CLCN4: variants seen among roughly 807,000 people sequenced by gnomAD.
CLCN4 encodes Cl-/H+ antiporter 4.
Under a neutral mutation model 41.7 loss-of-function variants are expected in CLCN4, and 1 was observed. The observed-to-expected ratio is 0.02, with a 90% CI of 0.01 to 0.11. The LOEUF is 0.11. CLCN4 is among the 10% of genes least tolerant of loss of function. The probability of loss-of-function intolerance (pLI) is 1.00; values close to 1 mark genes in which losing one functional copy is unlikely to be tolerated. For missense variants in CLCN4, 287 were observed against 661.0 expected (o/e 0.43, Z 6.20); for synonymous variants, 277 against 285.8 (o/e 0.97, Z 0.31).
chrX:10,214,488 C>T (rs1247051409), intron 11 of CLCN4, among the ~76,000 whole-genome samples: 2 of 112,852 alleles, frequency 1.8e-5, no homozygotes, highest in Non-Finnish European at 3.7e-5. Context: ...TGGAGTGGCC[C>T]GGGCTGAGCT....
At chrX:10,183,137 A>G (rs1176158572) in intron 2 of CLCN4, among the ~76,000 whole-genome samples, 1 of 111,882 alleles carries the variant, frequency 8.9e-6, no homozygotes, top group Non-Finnish European at 1.9e-5. Flanking sequence ...TGAGAATGAA[A>G]TCTTTGCTTT....
chrX:10,213,452 C>A (rs958548281), intron 10 of CLCN4, among the ~76,000 whole-genome samples: 8 of 112,124 alleles, frequency 7.1e-5, no homozygotes, highest in Non-Finnish European at 1.1e-4. Context: ...CGGGATCCGT[C>A]ATTGGAGCAG....
At position 10,158,524 on chromosome X, in the gene CLCN4, C is replaced by G. The variant is rs983377939; in HGVS notation, c.-39C>G. On this transcript the variant is annotated 5_prime_UTR_variant, in exon 2 of 13. Coordinates refer to ENST00000380833, the MANE Select transcript of CLCN4 (RefSeq NM_001830.4). ...TGCTCGAGGATGCTGTCCAGGTGGG[C>G]GGCCGCGGGCGCGATGCGGCACTGC... 1.0e-5 allele frequency: 3 copies of G among 297,034 alleles called. No individual in the cohort carries two copies. The highest frequency in any genetic ancestry group is 1.8e-5 in the Non-Finnish European group (3 of 169,570). The allele number at this position is 297,034 out of a possible 1,213,427, so 24.5% of individuals were successfully genotyped here. A position where few individuals can be genotyped will look rare whatever the true frequency, so the allele number is the denominator to read the frequency against.
At chrX:10,175,698 A>G (rs976019926) in intron 2 of CLCN4, among the ~76,000 whole-genome samples, 1 of 111,817 alleles carries the variant, frequency 8.9e-6, no homozygotes, top group Non-Finnish European at 1.9e-5. Context: ...TCATGGTGTC[A>G]TGTGAACACT....
chrX:10,217,446 C>G (rs1019731632), intron 11 of CLCN4, among the ~76,000 whole-genome samples: 2 of 112,191 alleles, frequency 1.8e-5, no homozygotes, highest in Middle Eastern at 4.6e-3. Context: ...ATGTCAGCAG[C>G]ACTTGCCCTC....
At chrX:10,186,313 G>A (rs1923809660) in intron 3 of CLCN4, among the ~76,000 whole-genome samples, 1 of 111,395 alleles carries the variant, frequency 9.0e-6, no homozygotes, top group African/African-American at 3.3e-5. Flanking sequence ...AGCCACGGTG[G>A]CGTGGGTGTG....
At chrX:10,226,109 CACTT>C (rs1264727711) in intron 12 of CLCN4, among the ~76,000 whole-genome samples, 1 of 111,569 alleles carries the variant, frequency 9.0e-6, no homozygotes, top group Non-Finnish European at 1.9e-5. Flanking sequence ...CGCCACATGA[CACTT>C]ACTCTAAAAT....
chrX:10,212,253 T>C (rs756615800), intron 9 of CLCN4, among the ~76,000 whole-genome samples: 1 of 111,810 alleles, frequency 8.9e-6, no homozygotes, highest in African/African-American at 3.2e-5. Flanking sequence ...AAGTATAAAA[T>C]TGCGTCCTCT....
intron 11 of CLCN4, 106 bp from the exon 12 acceptor site, chrX:10,220,555 A>G (rs930753404): frequency 2.9e-5 from 18 of 619,757 alleles, no homozygotes; most frequent in African/African-American, 8.8e-5. Context: ...TCATCCTCCA[A>G]ACCCCTTTTC....
intron 12 of CLCN4, among the ~76,000 whole-genome samples, chrX:10,223,388 C>T (rs57195860): frequency 9.0e-6 from 1 of 110,831 alleles, no homozygotes; most frequent in African/African-American, 3.3e-5. Context: ...ATCTGGGTGC[C>T]GAAATTGGCT....
intron 2 of CLCN4, among the ~76,000 whole-genome samples, chrX:10,182,499 C>G (rs1053858796): frequency 1.8e-5 from 2 of 112,430 alleles, no homozygotes; most frequent in Non-Finnish European, 3.8e-5. Context: ...AATCTTGGCT[C>G]ACTGCAACTT....
chrX:10,186,028 G>A (rs1417036481), intron 3 of CLCN4, among the ~76,000 whole-genome samples: 8 of 111,292 alleles, frequency 7.2e-5, no homozygotes, highest in Non-Finnish European at 7.5e-5. Flanking sequence ...CGCCACGGAC[G>A]GGATTCAGGG....
In CLCN4 at chrX:10,185,138, C is replaced by G; in HGVS notation, c.106C>G (p.Leu36Val). The G allele has an allele frequency of 8.3e-7, 1 of 1,207,708 alleles. No homozygotes were observed. Among genetic ancestry groups the G allele is most frequent in the East Asian group, 3.0e-5 (1 of 33,737 alleles). Reference sequence around the variant, plus strand: ...TGAGGACTTCCACACCATCGACTGGCTAAGGGAAAAGTCACGGGACACCGA... The same window carrying G: ...TGAGGACTTCCACACCATCGACTGGGTAAGGGAAAAGTCACGGGACACCGA... ...TYEDFHTIDW[L>V]REKSRDTDRH... Residue 36 changes from leucine (L) to valine (V), a missense_variant, in exon 3 of 13, where the codon CTA becomes GTA. Around this residue, in one of 6 missense-constraint regions of CLCN4, gnomAD observed 90 missense variants for 209.8 expected, o/e 0.43. Transcript: ENST00000380833.
intron 11 of CLCN4, among the ~76,000 whole-genome samples, chrX:10,216,024 A>C (rs930561043): frequency 1.8e-5 from 2 of 111,713 alleles, no homozygotes; most frequent in Admixed American, 9.5e-5. Flanking sequence ...TGGTGGAGAA[A>C]TACAGGTGCA....
chrX:10,227,637 A>G (rs1925020914), intron 12 of CLCN4, among the ~76,000 whole-genome samples: 1 of 111,844 alleles, frequency 8.9e-6, no homozygotes, highest in African/African-American at 3.3e-5. Context: ...CCCCAAAAAG[A>G]AACCCCACAC....
At chrX:10,196,768 G>A (rs374877438) in intron 5 of CLCN4, among the ~76,000 whole-genome samples, 121 of 111,444 alleles carry the variant, frequency 1.1e-3, no homozygotes, top group African/African-American at 3.7e-3. Context: ...TTGGCTGTGC[G>A]CCATATTTTT....
intron 2 of CLCN4, among the ~76,000 whole-genome samples, chrX:10,159,452 T>A (rs1202786250): frequency 9.1e-6 from 1 of 110,258 alleles, no homozygotes; most frequent in African/African-American, 3.3e-5. Context: ...TTCTAGAGCG[T>A]TTACATGCCT....
At chrX:10,186,640 G>T (rs1315133048) in intron 3 of CLCN4, among the ~76,000 whole-genome samples, 1 of 111,611 alleles carries the variant, frequency 9.0e-6, no homozygotes, top group Non-Finnish European at 1.9e-5. Context: ...GGAATGTGTA[G>T]GGAGCCAGGC....
intron 2 of CLCN4, among the ~76,000 whole-genome samples, chrX:10,171,565 T>G (rs183918404): frequency 9.0e-6 from 1 of 111,480 alleles, no homozygotes; most frequent in Non-Finnish European, 1.9e-5. Flanking sequence ...ATTCCACACT[T>G]TGGAAACTCT....
Sources: allele counts gnomAD v4.1 joint callset (sites outside exome capture counted in the v4.1 genomes callset), GRCh38; gene constraint gnomAD v4.1.1; regional missense constraint gnomAD v4.1.1; transcripts MANE v1.5; gene names NCBI Gene and HGNC (gene_info 2026-07-23, HGNC 2026-07-21).